Variants in IL2RB observed in about 807,000 individuals in gnomAD.
IL2RB encodes the protein interleukin-2 receptor subunit beta.
Under a neutral mutation model 44.2 loss-of-function variants are expected in IL2RB, and 17 were observed. That is an observed-to-expected ratio of 0.38 (90% CI 0.26 to 0.58). The LOEUF is 0.58. IL2RB is among the 20% of genes least tolerant of loss of function. The pLI, the probability that IL2RB is intolerant of heterozygous loss-of-function variation, is 0.63. For missense variants in IL2RB, 624 were observed against 685.5 expected (o/e 0.91, Z 1.00); for synonymous variants, 286 against 297.9 (o/e 0.96, Z 0.41).
At chr22:37,136,185 C>G (rs1371157599) in intron 7 of IL2RB, 43 bp downstream of exon 7, 4 of 1,575,350 alleles carry the variant, frequency 2.5e-6, no homozygotes, top group East Asian at 2.3e-5. Flanking sequence ...CCAGCCGCCC[C>G]CTCCTGCCTG....
chr22:37,155,895 C>T (rs1188408109), intron 1 of IL2RB, among the ~76,000 whole-genome samples: 1 of 152,210 alleles, frequency 6.6e-6, no homozygotes, highest in South Asian at 2.1e-4. Context: ...TTCCATGCAC[C>T]CAGTCCCACA....
intron 1 of IL2RB, among the ~76,000 whole-genome samples, chr22:37,167,237 G>A (rs115695717): frequency 0.018 from 2,671 of 151,910 alleles, 75 homozygotes; most frequent in African/African-American, 0.062. Flanking sequence ...CCCTTTCCTC[G>A]GCCCTGGGTG....
At position 37,128,495 on chromosome 22, in the gene IL2RB, G is replaced by A. The variant is rs779196758; in HGVS notation, c.1257C>T (p.Cys419=). The A allele has an allele frequency of 3.7e-6, 6 of 1,607,512 alleles. No homozygotes were observed. The highest frequency in any genetic ancestry group is 5.1e-6 in the Non-Finnish European group (6 of 1,175,664). The change falls in exon 10 of 10, where the codon TGC becomes TGT. Residue 419 remains cysteine (C), a synonymous_variant. Coordinates refer to ENST00000216223, the MANE Select transcript of IL2RB (RefSeq NM_000878.5). This position sits in a 1 kb window ranked among gnomAD's most constrained non-coding sequence, Gnocchi z 4.5. ...GCAGGTCATCCCTGGAGGGGAAGGT[G>A]CAGTAGGCGTCGTCCTCCCCTGACA... ...QPLSGEDDAY[C]TFPSRDDLLL...
At position 37,143,619 on chromosome 22, in the gene IL2RB, T is replaced by C. The variant is rs747994966; in HGVS notation, c.105A>G (p.Thr35=). Residue 35 remains threonine, a synonymous_variant, in exon 3 of 10, where the codon ACA becomes ACG. Transcript: ENST00000216223. ...TGTTGGCTCTCGAGTTGTAGAAGCA[T>C]GTGAACTGGGAAGTGCCTGCCGGGC... ...SAAVNGTSQF[T]CFYNSRANIS... The C allele has an allele frequency of 6.2e-7, 1 of 1,613,836 alleles. No homozygotes were observed. The highest frequency in any genetic ancestry group is 1.7e-5 in the Admixed American group (1 of 60,020).
At chr22:37,147,762 C>T (rs1167630080) in intron 1 of IL2RB, among the ~76,000 whole-genome samples, 3 of 152,226 alleles carry the variant, frequency 2.0e-5, no homozygotes, top group African/African-American at 4.8e-5. Flanking sequence ...ACCATGGGCT[C>T]GCCTTTGCCT....
intron 1 of IL2RB, among the ~76,000 whole-genome samples, chr22:37,164,342 G>A (rs775514150): frequency 2.0e-5 from 3 of 152,062 alleles, no homozygotes; most frequent in South Asian, 2.1e-4. Context: ...GGGGGCACGG[G>A]GGTGCTTTGA....
At chr22:37,163,380 TTTGA>T (rs1390775786) in intron 1 of IL2RB, among the ~76,000 whole-genome samples, 15 of 152,318 alleles carry the variant, frequency 9.8e-5, no homozygotes, top group East Asian at 5.8e-4. Context: ...GGTGGGGTAC[TTTGA>T]TTGAGAGTTC....
intron 8 of IL2RB, among the ~76,000 whole-genome samples, chr22:37,133,049 G>T (rs1601596085): frequency 6.6e-6 from 1 of 152,224 alleles, no homozygotes; most frequent in Non-Finnish European, 1.5e-5. Context: ...GAAGAAAGAG[G>T]CACCATTTTT....
Position 37,126,356 on chromosome 22 carries a change from G to A in IL2RB, c.*1740C>T, listed in dbSNP as rs1921110137. Reference sequence around the variant, plus strand: ...AACAGGAATCCTGACCAAATGGTCAGCAGCCCTCTCAGCAGTAGGTATTTT... The same window carrying A: ...AACAGGAATCCTGACCAAATGGTCAACAGCCCTCTCAGCAGTAGGTATTTT... On this transcript the variant is annotated 3_prime_UTR_variant, in exon 10 of 10. Coordinates refer to ENST00000216223, the MANE Select transcript of IL2RB (RefSeq NM_000878.5). The A allele has an allele frequency of 6.6e-6, 1 of 152,234 alleles. No homozygotes were observed. The highest frequency in any genetic ancestry group is 1.5e-5 in the Non-Finnish European group (1 of 68,042). The allele number at this position is 152,234 out of a possible 1,614,324, so 9.4% of individuals were successfully genotyped here. A position where few individuals can be genotyped will look rare whatever the true frequency, so the allele number is the denominator to read the frequency against.
intron 4 of IL2RB, 129 bp from the exon 5 acceptor site, chr22:37,139,351 A>G (rs1359290550): frequency 2.7e-5 from 17 of 638,220 alleles, no homozygotes. Flanking sequence ...AGGGGCAGCA[A>G]ATGTTTTCTG....
At chr22:37,145,358 A>T (rs1293819459) in intron 1 of IL2RB, among the ~76,000 whole-genome samples, 1 of 152,072 alleles carries the variant, frequency 6.6e-6, no homozygotes, top group East Asian at 1.9e-4. Context: ...CAGCCCTGTC[A>T]GAGGGAGGCT....
chr22:37,144,084 C>T lies in IL2RB; in HGVS notation c.88+1G>A, dbSNP rs1428720238. 1.9e-6 allele frequency: 3 copies of T among 1,552,064 alleles called. No individual in the cohort carries two copies. The highest frequency in any genetic ancestry group is 1.7e-6 in the Non-Finnish European group (2 of 1,147,116). On this transcript the variant is annotated splice_donor_variant, in intron 2 of 9. Transcript: ENST00000216223. LOFTEE classifies it high-confidence loss of function. ...AGCTGTTCAGATGTCAGGGTCCTCA[C>T]CATTCACCGCTGCAGATGCCCAAGA... is the stretch of plus-strand genomic sequence containing the variant.
Position 37,159,984 on chromosome 22 carries a change from G to A in IL2RB, c.-34+14974C>T, listed in dbSNP as rs369389706. On this transcript the variant is annotated intron_variant, in intron 1 of 5. Transcript: ENST00000429622. ...ATGATTCTCTTGATATCATTTCTGC[G>A]TATACAGGTTTGTGGGCACATTGCG... Among the ~76,000 whole-genome samples the A allele has an allele frequency of 4.3e-4, 65 of 152,338 alleles. 3 individuals carry two copies. The highest frequency in any genetic ancestry group is 2.2e-3 in the Admixed American group (33 of 15,308).
chr22:37,148,215 A>T (rs1922319467), intron 1 of IL2RB, among the ~76,000 whole-genome samples: 1 of 152,096 alleles, frequency 6.6e-6, no homozygotes, highest in African/African-American at 2.4e-5. Flanking sequence ...GAGAGGGCAG[A>T]GTCCACGGGA....
Position 37,128,717 on chromosome 22 carries a change from C to T in IL2RB, c.1035G>A (p.Glu345=), listed in dbSNP as rs374025450. ...QLLLQQDKVP[E]PASLSSNHSL... is the part of the protein sequence containing the mutation. ...AGTGGTTGCTGCTTAAGGATGCGGG[C>T]TCAGGCACCTTGTCCTGCTGCAGGA... Residue 345 remains glutamate (E), a synonymous_variant, in exon 10 of 10, where the codon GAG becomes GAA. Coordinates refer to ENST00000216223, the MANE Select transcript of IL2RB (RefSeq NM_000878.5). The surrounding 1 kb of genome is among the most constrained non-coding windows in gnomAD (Gnocchi z 4.5). The T allele has an allele frequency of 6.2e-7, 1 of 1,614,062 alleles. No individual in the cohort carries two copies. The highest frequency in any genetic ancestry group is 8.5e-7 in the Non-Finnish European group (1 of 1,180,008).
intron 1 of IL2RB, among the ~76,000 whole-genome samples, chr22:37,155,521 C>A (rs1922649938): frequency 6.6e-6 from 1 of 152,244 alleles, no homozygotes; most frequent in Admixed American, 6.5e-5. Flanking sequence ...GGGCTTTGTG[C>A]ATGCTGAGCC....
chr22:37,147,102 C>T (rs919276303), intron 1 of IL2RB, among the ~76,000 whole-genome samples: 3 of 152,142 alleles, frequency 2.0e-5, no homozygotes, highest in Non-Finnish European at 2.9e-5. Context: ...GGGATCAGAA[C>T]CCAACTCCAC....
rs760070428 is a variant in IL2RB at position 37,128,446 on chromosome 22, C to T, written c.1306G>A (p.Gly436Ser). 18 of 1,552,802 alleles carry T rather than the reference C, an allele frequency of 1.2e-5. No individual in the cohort carries two copies. Among genetic ancestry groups the T allele is most frequent in the East Asian group, 4.5e-5 (2 of 44,234 alleles). Residue 436 changes from glycine (G) to serine (S), a missense_variant, in exon 10 of 10, where the codon GGT becomes AGT. This residue lies in a region of IL2RB where 291 missense variants were observed against 275.5 expected (regional missense o/e 1.06). Coordinates refer to ENST00000216223, the MANE Select transcript of IL2RB (RefSeq NM_000878.5). This position sits in a 1 kb window ranked among gnomAD's most constrained non-coding sequence, Gnocchi z 4.5. The part of the protein sequence containing the change: ...DLLLFSPSLL[G>S]GPSPPSTAPG... Reference sequence around the variant, plus strand: ...GCAGTGCTTGGGGGGCTGGGGCCACCGAGGAGACTGGGGGAGAAGAGCAGC... The same window carrying T: ...GCAGTGCTTGGGGGGCTGGGGCCACTGAGGAGACTGGGGGAGAAGAGCAGC...
At chr22:37,160,781 C>G (rs1322936789) in intron 1 of IL2RB, among the ~76,000 whole-genome samples, 1 of 150,826 alleles carries the variant, frequency 6.6e-6, no homozygotes, top group African/African-American at 2.5e-5. Flanking sequence ...GCCTGGGAAG[C>G]AGAGGTTGCA....
Sources: allele counts gnomAD v4.1 joint callset (sites outside exome capture counted in the v4.1 genomes callset), GRCh38; gene constraint gnomAD v4.1.1; regional missense constraint gnomAD v4.1.1; non-coding constraint Gnocchi (gnomAD v3.1); transcripts MANE v1.5; gene names NCBI Gene and HGNC (gene_info 2026-07-23, HGNC 2026-07-21).